The following INSR variants were observed in gnomAD, a reference collection of about 807,000 sequenced individuals.
INSR encodes IR.
A neutral mutation model predicts 142.6 loss-of-function variants in INSR; 67 were observed. That is an observed-to-expected ratio of 0.47 (90% CI 0.39 to 0.58). INSR has a LOEUF of 0.58. Ranked by LOEUF, INSR falls within the 20% of genes least tolerant of loss-of-function variation. The pLI is 0.00. For missense variants in INSR, 1,248 were observed against 1,833.2 expected, an observed-to-expected ratio of 0.68 and a Z score of 5.83; for synonymous variants, 756 against 743.1, an observed-to-expected ratio of 1.02 and a Z score of -0.28.
intron 2 of INSR, among the ~76,000 whole-genome samples, chr19:7,215,578 A>T (rs909119619): frequency 9.9e-5 from 15 of 150,942 alleles, no homozygotes; most frequent in African/African-American, 2.2e-4. Flanking sequence ...TTATTTATTT[A>T]TTTTTTTGAG....
rs921022518 is a variant in INSR at position 7,125,466 on chromosome 19, G to A, written c.3075C>T (p.Leu1025=). 6.2e-7 allele frequency: 1 copy of A among 1,613,992 alleles called. No homozygotes were observed. Among genetic ancestry groups the A allele is most frequent in the African/African-American group, 1.3e-5 (1 of 74,928 alleles). ...EWEVSREKIT[L]LRELGQGSFG... ...AGGAGCCCTGCCCCAGCTCTCGAAG[G>A]AGGGTGATCTTCTCTCGAGACACCT... The change falls in exon 17 of 22, where the codon CTC becomes CTT. Residue 1025 remains leucine, a synonymous_variant. Transcript: ENST00000302850. The surrounding 1 kb of genome is among the most constrained non-coding windows in gnomAD (Gnocchi z 4.9).
intron 1 of INSR, among the ~76,000 whole-genome samples, chr19:7,285,226 G>A (rs1164202857): frequency 2.6e-5 from 4 of 152,126 alleles, no homozygotes; most frequent in Non-Finnish European, 4.4e-5. Context: ...TGAAGTGGGC[G>A]GATCACTTGA....
intron 2 of INSR, among the ~76,000 whole-genome samples, chr19:7,215,619 G>A (rs1288579362): frequency 6.6e-6 from 1 of 151,558 alleles, no homozygotes; most frequent in Non-Finnish European, 1.5e-5. Context: ...CCAGGCTGGA[G>A]TGCAGTGGCA....
At chr19:7,179,509 C>T (rs1479663635) in intron 3 of INSR, among the ~76,000 whole-genome samples, 1 of 152,200 alleles carries the variant, frequency 6.6e-6, no homozygotes, top group Non-Finnish European at 1.5e-5. Context: ...TCTTTTATTG[C>T]CTCTATTCTT....
chr19:7,263,989 G>A (rs1261694114), intron 2 of INSR, among the ~76,000 whole-genome samples: 1 of 152,100 alleles, frequency 6.6e-6, no homozygotes. Context: ...GGCCAACATG[G>A]AGAAATCCCA....
intron 9 of INSR, among the ~76,000 whole-genome samples, chr19:7,158,229 G>A (rs541735615): frequency 2.2e-4 from 33 of 151,928 alleles, no homozygotes; most frequent in Non-Finnish European, 4.6e-4. Flanking sequence ...GGCCAGGCGC[G>A]GTGACTCACG....
chr19:7,226,785 C>A (rs1975802224), intron 2 of INSR, among the ~76,000 whole-genome samples: 1 of 150,102 alleles, frequency 6.7e-6, no homozygotes, highest in South Asian at 2.1e-4. Flanking sequence ...AGCCCAATTT[C>A]ATCTCCATAT....
chr19:7,190,261 A>T (rs1191134028), intron 2 of INSR, among the ~76,000 whole-genome samples: 1 of 152,002 alleles, frequency 6.6e-6, no homozygotes, highest in Non-Finnish European at 1.5e-5. Context: ...GCAGCCTCAC[A>T]GCTAACACTG....
In INSR at chr19:7,153,017, A is replaced by ACACAC. The variant is rs1568449018; in HGVS notation, c.2030-95_2030-91dup. On this transcript the variant is annotated intron_variant, in intron 9 of 21. Transcript: ENST00000302850. Reference sequence around the variant, plus strand: ...CACACCCCACACACACACACACCACACACACACACCACACACACACACACC... The same window carrying ACACAC: ...CACACCCCACACACACACACACCACACACACCACACACACCACACACACACACACC... 49 of 508,068 alleles carry ACACAC rather than the reference A, an allele frequency of 9.6e-5. No individual in the cohort carries two copies. The African/African-American group carries it at 1.5e-3, about 16-fold the overall frequency. The allele number at this position is 508,068 out of a possible 1,614,324, so 31.5% of individuals were successfully genotyped here. A position where few individuals can be genotyped will look rare whatever the true frequency, so the allele number is the denominator to read the frequency against.
At chr19:7,196,500 TAGG>T (rs766460005) in intron 2 of INSR, among the ~76,000 whole-genome samples, 86 of 152,030 alleles carry the variant, frequency 5.7e-4, no homozygotes, top group Non-Finnish European at 1.1e-3. Context: ...GCCAGAGAAA[TAGG>T]AGACGCAGCG....
intron 20 of INSR, among the ~76,000 whole-genome samples, chr19:7,120,169 A>T (rs1972455843): frequency 6.6e-6 from 1 of 152,178 alleles, no homozygotes; most frequent in African/African-American, 2.4e-5. Context: ...AAAAGAATGC[A>T]ACCATTTGTC....
chr19:7,189,994 C>T (rs1389465460), intron 2 of INSR, among the ~76,000 whole-genome samples: 1 of 151,656 alleles, frequency 6.6e-6, no homozygotes, highest in Non-Finnish European at 1.5e-5. Flanking sequence ...GAACTAGACT[C>T]AAGGAAATTA....
Position 7,225,979 on chromosome 19 carries a change from G to A in INSR, c.653-41342C>T, listed in dbSNP as rs181576996. ...CGCAGGCCCCAGGTGGAGAAACCCC[G>A]TCCCGGAATGAGAAGCCCCTCTCCT... is the stretch of plus-strand genomic sequence containing the variant. On this transcript the variant is annotated intron_variant, in intron 2 of 21. Transcript: ENST00000302850. This position sits in a 1 kb window ranked among gnomAD's most constrained non-coding sequence, Gnocchi z 4.7. 2.3e-4 allele frequency among the ~76,000 whole-genome samples: 35 copies of A among 152,248 alleles called. No homozygotes were observed. In the South Asian group the frequency reaches 6.0e-3, roughly 26 times the overall value.
rs186290460 is a variant in INSR at position 7,131,765 on chromosome 19, G to A, written c.2842+393C>T. Among the ~76,000 whole-genome samples the A allele has an allele frequency of 2.2e-4, 32 of 145,614 alleles. No individual in the cohort carries two copies. The East Asian group carries it at 5.5e-3, about 25-fold the overall frequency. On this transcript the variant is annotated intron_variant, in intron 14 of 21. Coordinates refer to ENST00000302850, the MANE Select transcript of INSR (RefSeq NM_000208.4). ...TGTAATTCCAGCACTTTGGGAGGCC[G>A]AGGCGGGTGGATCACTTGAGGTCAG... is the stretch of plus-strand genomic sequence containing the variant.
chr19:7,192,139 TAAGAG>T lies in INSR; in HGVS notation c.653-7507_653-7503del, dbSNP rs1278036902. Among the ~76,000 whole-genome samples the T allele has an allele frequency of 2.3e-5, 2 of 88,346 alleles. No homozygotes were observed. Among genetic ancestry groups the T allele is most frequent in the Non-Finnish European group, 4.6e-5 (2 of 43,818 alleles). The allele number at this position is 88,346 out of a possible 152,430, so 58.0% of individuals were successfully genotyped here. On this transcript the variant is annotated intron_variant, in intron 2 of 21. Transcript: ENST00000302850. This position sits in a 1 kb window ranked among gnomAD's most constrained non-coding sequence, Gnocchi z 4.2. ...AAGAAAGAGGGAGAAAGAAGAAAGATAAGAGAGAGAGAAAGAGAAAGAAAAAGAAA... is the reference window on the plus strand; with the variant it reads ...AAGAAAGAGGGAGAAAGAAGAAAGATAGAGAGAAAGAGAAAGAAAAAGAAA...
rs1975030 is a variant in INSR at position 7,217,704 on chromosome 19, A to T, written c.653-33067T>A. 7.2e-5 allele frequency among the ~76,000 whole-genome samples: 11 copies of T among 152,176 alleles called. No individual in the cohort carries two copies. In the East Asian group the frequency reaches 1.4e-3, roughly 19 times the overall value. ...CCTCCCAAGTAGGTGGGACTACAGG[A>T]GCCCGCCACCACACCTGGCTAATTT... On this transcript the variant is annotated intron_variant, in intron 2 of 21. Transcript: ENST00000302850.
intron 13 of INSR, among the ~76,000 whole-genome samples, chr19:7,135,409 G>A (rs1433426323): frequency 1.6e-5 from 2 of 126,824 alleles, no homozygotes; most frequent in Non-Finnish European, 3.2e-5. Context: ...TCCGCCTCCC[G>A]AGTTCAAGCG....
chr19:7,157,981 A>T (rs1599923381), intron 9 of INSR, among the ~76,000 whole-genome samples: 1 of 151,654 alleles, frequency 6.6e-6, no homozygotes, highest in Non-Finnish European at 1.5e-5. Flanking sequence ...CTCTGATGGG[A>T]GCTAGTTACA....
chr19:7,186,650 A>T (rs561546709), intron 2 of INSR, among the ~76,000 whole-genome samples: 7 of 152,084 alleles, frequency 4.6e-5, no homozygotes, highest in African/African-American at 1.7e-4. Context: ...AGTCACACTC[A>T]TCCTCCTCCC....
Sources: allele counts gnomAD v4.1 joint callset (sites outside exome capture counted in the v4.1 genomes callset), GRCh38; gene constraint gnomAD v4.1.1; non-coding constraint Gnocchi (gnomAD v3.1); transcripts MANE v1.5; gene names NCBI Gene and HGNC (gene_info 2026-07-23, HGNC 2026-07-21).